NLE1: variants seen among roughly 807,000 people sequenced by gnomAD.
NLE1 encodes the protein notchless protein homolog 1.
NLE1 carries 37 observed loss-of-function variants against 62.8 expected under a neutral mutation model. That is an observed-to-expected ratio of 0.59 (90% CI 0.45 to 0.78). The LOEUF (loss-of-function observed/expected upper bound fraction) is 0.78, where lower values mean the gene tolerates loss of function less well. Among genes scored for constraint, NLE1 ranks in the 30% least tolerant of loss-of-function variants. The pLI, the probability that NLE1 is intolerant of heterozygous loss-of-function variation, is 0.00. For missense variants in NLE1, 555 were observed against 637.9 expected (o/e 0.87, Z 1.40); for synonymous variants, 243 against 253.0 (o/e 0.96, Z 0.37).
chr17:35,130,343 T>G lies in NLE1; in HGVS notation c.*2094A>C, dbSNP rs1480501242. Reference sequence around the variant, plus strand: ...GAGAACTACCCCATCCAGATCACCGTGCGGCGCAAGGAACCCCGGCAAAAG... The same window carrying G: ...GAGAACTACCCCATCCAGATCACCGGGCGGCGCAAGGAACCCCGGCAAAAG... On this transcript the variant is annotated 3_prime_UTR_variant, in exon 13 of 13. Transcript: ENST00000442241. 3.1e-6 allele frequency: 5 copies of G among 1,613,926 alleles called. No homozygotes were observed. The highest frequency in any genetic ancestry group is 4.2e-6 in the Non-Finnish European group (5 of 1,179,996).
Position 35,130,078 on chromosome 17 carries a change from C to T in NLE1, c.*2359G>A, listed in dbSNP as rs2091867214. The T allele has an allele frequency of 1.4e-6, 2 of 1,418,462 alleles. No individual in the cohort carries two copies. The highest frequency in any genetic ancestry group is 2.9e-5 in the African/African-American group (2 of 69,308). The allele number at this position is 1,418,462 out of a possible 1,614,324, so 87.9% of individuals were successfully genotyped here. On this transcript the variant is annotated 3_prime_UTR_variant, in exon 13 of 13. Coordinates refer to ENST00000442241, the MANE Select transcript of NLE1 (RefSeq NM_018096.5). ...TATAGAGGCCTGAGTACAGACAGCCCTTTGGTTGGAAATATCCCATAATGA... is the reference window on the plus strand; with the variant it reads ...TATAGAGGCCTGAGTACAGACAGCCTTTTGGTTGGAAATATCCCATAATGA...
chr17:35,139,178 G>C, intron 4 of NLE1, 57 bp downstream of exon 4: 1 of 1,473,438 alleles, frequency 6.8e-7, no homozygotes, highest in East Asian at 2.3e-5. Flanking sequence ...GGTCAACAGA[G>C]CAAGACCTTG....
chr17:35,135,474 T>A (rs201197063), intron 9 of NLE1, 23 bp from the exon 10 acceptor site: 2 of 1,609,842 alleles, frequency 1.2e-6, no homozygotes, highest in Non-Finnish European at 1.7e-6. Flanking sequence ...GAAAGCACAC[T>A]GTGTTGGGTG....
At chr17:35,136,910 C>T in intron 7 of NLE1, 91 bp downstream of exon 7, 1 of 1,227,814 alleles carries the variant, frequency 8.1e-7, no homozygotes, top group Non-Finnish European at 1.2e-6. Context: ...CTGGGAAACA[C>T]TGGACTCGCT....
At chr17:35,139,796 G>A (rs2091931428) in intron 3 of NLE1, 53 bp downstream of exon 3, 14 of 1,590,226 alleles carry the variant, frequency 8.8e-6, no homozygotes, top group South Asian at 1.1e-5. Context: ...CCCCAAACCA[G>A]GCAAAGACTG....
chr17:35,139,305 G>A lies in NLE1; in HGVS notation c.390C>T (p.Ala130=), dbSNP rs772711542. The A allele has an allele frequency of 1.2e-6, 2 of 1,613,866 alleles. No homozygotes were observed. The highest frequency in any genetic ancestry group is 1.7e-6 in the Non-Finnish European group (2 of 1,179,828). ...VAFSPTGKYL[A]SGSGDTTVRF... Reference sequence around the variant, plus strand: ...GCACGGTGGTGTCTCCAGAGCCACTGGCCAGGTACCTGGGGAAGAAGAGAG... The same window carrying A: ...GCACGGTGGTGTCTCCAGAGCCACTAGCCAGGTACCTGGGGAAGAAGAGAG... The change falls in exon 4 of 13, where the codon GCC becomes GCT. Residue 130 remains alanine (A), a synonymous_variant. Transcript: ENST00000442241.
rs2091861934 is a variant in NLE1, at chr17:35,129,285, C to T, written c.*3152G>A. On this transcript the variant is annotated 3_prime_UTR_variant, in exon 13 of 13. Transcript: ENST00000442241. ...CCACACTCAGTGCTGCAGTACCTTG[C>T]ACCTTCCATCTGACCTGCCTGGGCC... The T allele has an allele frequency of 2.7e-6, 3 of 1,109,926 alleles. No individual in the cohort carries two copies. The Admixed American group carries it at 6.4e-5, about 24-fold the overall frequency. 68.8% of individuals were successfully genotyped at this position (1,109,926 alleles called of 1,614,324 possible).
chr17:35,129,214 G>A lies in NLE1; in HGVS notation c.*3223C>T. On this transcript the variant is annotated 3_prime_UTR_variant, in exon 13 of 13. Transcript: ENST00000442241. The stretch of plus-strand genomic sequence containing the variant: ...ATGGAATGAGGGTGTACCCTAAAGT[G>A]GGTGGGGCTGCCCAGGAGAGTAGTA... 1 of 630,884 alleles carries A rather than the reference G, an allele frequency of 1.6e-6. No homozygotes were observed. The highest frequency in any genetic ancestry group is 1.8e-5 in the African/African-American group (1 of 55,246). 39.1% of individuals were successfully genotyped at this position (630,884 alleles called of 1,614,324 possible).
chr17:35,137,926 A>G, intron 4 of NLE1, 36 bp from the exon 5 acceptor site: 5 of 1,516,494 alleles, frequency 3.3e-6, no homozygotes, highest in Non-Finnish European at 4.6e-6. Flanking sequence ...AAGGGACTAC[A>G]TCTGTCTTTA....
chr17:35,137,361 G>C (rs1359790555), intron 6 of NLE1, among the ~76,000 whole-genome samples, 168 bp from the exon 7 acceptor site: 2 of 152,162 alleles, frequency 1.3e-5, no homozygotes, highest in Non-Finnish European at 2.9e-5. Context: ...CCTGTGATGA[G>C]AGCCTCTCCC....
At chr17:35,139,538 G>A (rs571087586) in intron 3 of NLE1, among the ~76,000 whole-genome samples, 1 of 152,224 alleles carries the variant, frequency 6.6e-6, no homozygotes, top group Non-Finnish European at 1.5e-5. Flanking sequence ...CTAAGTTTGA[G>A]AGAAGCAACT....
chr17:35,140,977 C>G (rs1356718238), intron 2 of NLE1, among the ~76,000 whole-genome samples: 2 of 152,194 alleles, frequency 1.3e-5, no homozygotes, highest in Non-Finnish European at 2.9e-5. Context: ...AGGCTCAGAA[C>G]AACTAAGTAA....
rs1291796972 is a variant in NLE1, at chr17:35,135,533, C to A, written c.1012-82G>T. 10 of 1,235,880 alleles carry A rather than the reference C, an allele frequency of 8.1e-6. No individual in the cohort carries two copies. In the African/African-American group the frequency reaches 1.5e-4, roughly 18 times the overall value. The allele number at this position is 1,235,880 out of a possible 1,614,324, so 76.6% of individuals were successfully genotyped here. On this transcript the variant is annotated intron_variant, in intron 9 of 12. Transcript: ENST00000442241. Reference sequence around the variant, plus strand: ...GCCCGACTTTGGCAGCAAGCATACACCCTGATTACTCAATGCCAGGGACAG... The same window carrying A: ...GCCCGACTTTGGCAGCAAGCATACAACCTGATTACTCAATGCCAGGGACAG...
In NLE1 at chr17:35,132,333, T is replaced by G; in HGVS notation, c.*104A>C. The G allele has an allele frequency of 9.8e-7, 1 of 1,019,410 alleles. No individual in the cohort carries two copies. Among genetic ancestry groups the G allele is most frequent in the African/African-American group, 1.7e-5 (1 of 59,692 alleles). The allele number at this position is 1,019,410 out of a possible 1,614,324, so 63.1% of individuals were successfully genotyped here. A position where few individuals can be genotyped will look rare whatever the true frequency, so the allele number is the denominator to read the frequency against. On this transcript the variant is annotated 3_prime_UTR_variant, in exon 13 of 13. Transcript: ENST00000442241. ...ACACGCATTCTCAGGTCCCCACTGG[T>G]GGGGAGGGTGTGTGCACTGCCATCT...
rs777770872 is a variant in NLE1 at position 35,136,198 on chromosome 17, T to C, written c.982A>G (p.Arg328Gly). The C allele has an allele frequency of 6.2e-7, 1 of 1,614,060 alleles. No individual in the cohort carries two copies. Among genetic ancestry groups the C allele is most frequent in the South Asian group, 1.1e-5 (1 of 91,082 alleles). ...LQGSLQELKE[R>G]ALSRYNLVRG... is the part of the protein sequence containing the mutation. ...ACGAGGTTGTATCGGCTCAGAGCCC[T>C]CTCCTTCAACTCCTGCACTGTGACC... The change falls in exon 9 of 13, where the codon AGG becomes GGG. Residue 328 changes from arginine to glycine, a missense_variant. Physicochemically the swap from Arg to Gly is moderately radical, Grantham distance 125. Coordinates refer to ENST00000442241, the MANE Select transcript of NLE1 (RefSeq NM_018096.5).
At position 35,135,418 on chromosome 17, in the gene NLE1, C is replaced by T. The variant is rs756900588; in HGVS notation, c.1045G>A (p.Asp349Asn). ...QGPERLVSGSDDFTLFLWSPA... is the reference protein window; with the variant it reads ...QGPERLVSGSNDFTLFLWSPA... ...GACCACAGGAATAAGGTGAAGTCGT[C>T]GGAGCCAGACACCAGCCTCTCTGGA... is the stretch of plus-strand genomic sequence containing the variant. Residue 349 changes from aspartate (D) to asparagine (N), a missense_variant, in exon 10 of 13, where the codon GAC becomes AAC. Asp to Asn is a conservative substitution (Grantham distance 23). Coordinates refer to ENST00000442241, the MANE Select transcript of NLE1 (RefSeq NM_018096.5). 3.7e-6 allele frequency: 6 copies of T among 1,613,984 alleles called. No individual in the cohort carries two copies. The African/African-American group carries it at 5.3e-5, about 14-fold the overall frequency.
Position 35,130,533 on chromosome 17 carries a change from G to C in NLE1, c.*1904C>G. 1.5e-6 allele frequency: 2 copies of C among 1,313,572 alleles called. No individual in the cohort carries two copies. Among genetic ancestry groups the C allele is most frequent in the Non-Finnish European group, 2.1e-6 (2 of 960,160 alleles). The allele number at this position is 1,313,572 out of a possible 1,614,324, so 81.4% of individuals were successfully genotyped here. On this transcript the variant is annotated 3_prime_UTR_variant, in exon 13 of 13. Coordinates refer to ENST00000442241, the MANE Select transcript of NLE1 (RefSeq NM_018096.5). ...ACCTACCATACCACCAGCACCCTGC[G>C]GGCCCGGGGTCTGGCAGAGTGGTAT... is the stretch of plus-strand genomic sequence containing the variant.
chr17:35,141,675 C>T (rs951326012), intron 2 of NLE1, among the ~76,000 whole-genome samples: 18 of 152,354 alleles, frequency 1.2e-4, no homozygotes, highest in Admixed American at 3.3e-4. Flanking sequence ...CTGAGTCCCT[C>T]CGGGCCACGC....
chr17:35,142,257 C>G lies in NLE1; in HGVS notation c.18+1G>C, dbSNP rs753142026. ...CCCCGCCCCCATCCACGCACACCCA[C>G]CGGCACTGCTGCCGCCATCCTGCGT... is the stretch of plus-strand genomic sequence containing the variant. On this transcript the variant is annotated splice_donor_variant, in intron 1 of 12. Transcript: ENST00000442241. LOFTEE classifies it high-confidence loss of function. The G allele has an allele frequency of 6.5e-7, 1 of 1,547,970 alleles. No homozygotes were observed. Among genetic ancestry groups the G allele is most frequent in the South Asian group, 1.2e-5 (1 of 84,782 alleles).
Sources: gnomAD v4.1 joint callset for allele counts (sites outside exome capture counted in the v4.1 genomes callset) on GRCh38, gnomAD v4.1.1 for gene constraint, MANE v1.5 for transcripts, NCBI Gene and HGNC (gene_info 2026-07-23, HGNC 2026-07-21) for gene names.